The following POU6F2 variants were observed in gnomAD, a reference collection of about 807,000 sequenced individuals.
The protein encoded by POU6F2 is POU class 6 homeobox 2.
In POU6F2, 31 loss-of-function variants were observed where a neutral mutation model predicts 71.3. The observed-to-expected ratio is 0.43, with a 90% confidence interval of 0.33 to 0.59. The LOEUF is 0.59. POU6F2 is among the 20% of genes least tolerant of loss of function. POU6F2 has a pLI of 0.04. For synonymous variants in POU6F2, 347 were observed against 355.7 expected (o/e 0.98, Z 0.27); for missense variants, 783 against 856.8 (o/e 0.91, Z 1.07).
At chr7:39,438,350 T>G in intron 7 of POU6F2, among the ~76,000 whole-genome samples, 1 of 152,266 alleles carries the variant, frequency 6.6e-6, no homozygotes, top group Non-Finnish European at 1.5e-5. Flanking sequence ...CTATCATTGA[T>G]GGACATTTGG....
At chr7:39,046,363 TC>T (rs1253633235) in intron 1 of POU6F2, among the ~76,000 whole-genome samples, 2 of 151,910 alleles carry the variant, frequency 1.3e-5, no homozygotes, top group Non-Finnish European at 2.9e-5. Context: ...TTGTCGGAAA[TC>T]TGATTTTCAA....
chr7:39,362,408 G>A (rs1786408282), intron 5 of POU6F2, among the ~76,000 whole-genome samples: 1 of 152,060 alleles, frequency 6.6e-6, no homozygotes, highest in African/African-American at 2.4e-5. Context: ...GGTCAAGCTT[G>A]CTTACAGTAC....
At chr7:39,121,681 G>T (rs962906974) in intron 2 of POU6F2, among the ~76,000 whole-genome samples, 1 of 152,044 alleles carries the variant, frequency 6.6e-6, no homozygotes, top group Non-Finnish European at 1.5e-5. Flanking sequence ...TGTATATGAG[G>T]CCATATAGAG....
intron 2 of POU6F2, among the ~76,000 whole-genome samples, chr7:39,114,954 A>G (rs769971506): frequency 1.3e-5 from 2 of 152,210 alleles, no homozygotes; most frequent in Non-Finnish European, 1.5e-5. Flanking sequence ...TTTGATTTAC[A>G]TAGGTATAAA....
chr7:39,137,431 T>C (rs1009415124), intron 2 of POU6F2, among the ~76,000 whole-genome samples: 1 of 152,190 alleles, frequency 6.6e-6, no homozygotes, highest in Non-Finnish European at 1.5e-5. Context: ...GACCCAAATA[T>C]ATTGTTAAGT....
chr7:39,281,933 G>T (rs1252212179), intron 4 of POU6F2, among the ~76,000 whole-genome samples: 6 of 152,110 alleles, frequency 3.9e-5, no homozygotes, highest in Non-Finnish European at 7.4e-5. Context: ...GTGTATAAGA[G>T]TTCCCCTTTC....
Position 39,467,797 on chromosome 7 carries a change from T to C in POU6F2, c.*3111T>C, listed in dbSNP as rs1374204941. ...ACAAAACAAAACAAGTAGAGGTGTA[T>C]CAAAGAACTCAAGCTATAACCAAAA... On this transcript the variant is annotated 3_prime_UTR_variant, in exon 10 of 10. Coordinates refer to ENST00000518318, the MANE Select transcript of POU6F2 (RefSeq NM_001370959.1). 6.6e-6 allele frequency: 1 copy of C among 152,056 alleles called. No homozygotes were observed. Among genetic ancestry groups the C allele is most frequent in the Non-Finnish European group, 1.5e-5 (1 of 68,018 alleles). The allele number at this position is 152,056 out of a possible 1,614,324, so 9.4% of individuals were successfully genotyped here.
chr7:39,347,854 A>G lies in POU6F2; in HGVS notation c.972+7839A>G, dbSNP rs553606698. 2.1e-5 allele frequency among the ~76,000 whole-genome samples: 3 copies of G among 141,788 alleles called. 1 individual carries two copies. Among genetic ancestry groups the G allele is most frequent in the Non-Finnish European group, 4.7e-5 (3 of 63,654 alleles). 93.0% of individuals were successfully genotyped at this position (141,788 alleles called of 152,430 possible). A position where few individuals can be genotyped will look rare whatever the true frequency, so the allele number is the denominator to read the frequency against. On this transcript the variant is annotated intron_variant, in intron 5 of 9. Coordinates refer to ENST00000518318, the MANE Select transcript of POU6F2 (RefSeq NM_001370959.1). ...GCCATGTTGCCCAGGCTGGTCTCGA[A>G]CTCCTGGGCTCAAGTGATCCACCTG... is the stretch of plus-strand genomic sequence containing the variant.
At chr7:39,443,939 A>G (rs1788467375) in intron 7 of POU6F2, among the ~76,000 whole-genome samples, 1 of 152,220 alleles carries the variant, frequency 6.6e-6, no homozygotes, top group Non-Finnish European at 1.5e-5. Context: ...AGGAACATAG[A>G]GTTCCCTAAC....
At chr7:39,382,770 G>A (rs1259380875) in intron 5 of POU6F2, among the ~76,000 whole-genome samples, 1 of 152,182 alleles carries the variant, frequency 6.6e-6, no homozygotes, top group Non-Finnish European at 1.5e-5. Flanking sequence ...AGTCAGAAAA[G>A]CTTGAATGTA....
intron 2 of POU6F2, among the ~76,000 whole-genome samples, chr7:39,128,455 A>G (rs1457514724): frequency 6.6e-6 from 1 of 152,222 alleles, no homozygotes; most frequent in African/African-American, 2.4e-5. Context: ...CCTGAGCATT[A>G]GCAAAATTTG....
chr7:38,998,955 C>T (rs1584488655), intron 1 of POU6F2, among the ~76,000 whole-genome samples: 1 of 152,030 alleles, frequency 6.6e-6, no homozygotes, highest in Non-Finnish European at 1.5e-5. Context: ...TGAGCCACTG[C>T]ACCCAGCTGT....
intron 8 of POU6F2, among the ~76,000 whole-genome samples, chr7:39,458,502 C>T (rs886140677): frequency 1.3e-5 from 2 of 152,088 alleles, no homozygotes; most frequent in African/African-American, 4.8e-5. Context: ...GAGACTGCGA[C>T]TGCCGAAGTG....
At chr7:39,204,615 G>A (rs557822159) in intron 3 of POU6F2, among the ~76,000 whole-genome samples, 32 of 150,912 alleles carry the variant, frequency 2.1e-4, no homozygotes, top group Admixed American at 2.0e-4. Context: ...GTTGGTTACC[G>A]TGCAGTTTCC....
chr7:39,141,159 T>A (rs890677662), intron 2 of POU6F2, among the ~76,000 whole-genome samples: 3 of 152,224 alleles, frequency 2.0e-5, no homozygotes, highest in African/African-American at 7.2e-5. Flanking sequence ...TGTTTTTGTG[T>A]TCTCTTCCTT....
At chr7:39,043,612 T>C (rs1790234403) in intron 1 of POU6F2, among the ~76,000 whole-genome samples, 1 of 152,052 alleles carries the variant, frequency 6.6e-6, no homozygotes, top group African/African-American at 2.4e-5. Context: ...ACTGGAGTAA[T>C]TGCACACCAA....
intron 2 of POU6F2, among the ~76,000 whole-genome samples, chr7:39,125,365 G>A (rs1276316185): frequency 6.6e-6 from 1 of 152,106 alleles, no homozygotes; most frequent in Non-Finnish European, 1.5e-5. Context: ...TGGGTCCCCA[G>A]TTATATTTTA....
chr7:39,008,775 A>G (rs1789168720), intron 1 of POU6F2, among the ~76,000 whole-genome samples: 1 of 151,524 alleles, frequency 6.6e-6, no homozygotes, highest in African/African-American at 2.4e-5. Flanking sequence ...TTTATTAAAT[A>G]GGAAATCCTT....
intron 4 of POU6F2, among the ~76,000 whole-genome samples, chr7:39,258,516 C>A (rs1186555262): frequency 6.6e-6 from 1 of 152,128 alleles, no homozygotes; most frequent in Non-Finnish European, 1.5e-5. Context: ...AATTAATCAA[C>A]CCACCTTTTT....
Sources: gnomAD v4.1 joint callset for allele counts (sites outside exome capture counted in the v4.1 genomes callset) on GRCh38, gnomAD v4.1.1 for gene constraint, MANE v1.5 for transcripts, NCBI Gene and HGNC (gene_info 2026-07-23, HGNC 2026-07-21) for gene names.